Variants in ZNF507 observed in about 807,000 individuals in gnomAD.
The protein encoded by ZNF507 is zinc finger protein 507.
ZNF507 carries 29 observed loss-of-function variants against 80.0 expected under a neutral mutation model. The observed-to-expected ratio is 0.36, with a 90% CI of 0.27 to 0.49. ZNF507 has a LOEUF of 0.49. Among genes scored for constraint, ZNF507 ranks in the 20% least tolerant of loss-of-function variants. ZNF507 has a pLI of 0.98. For missense variants in ZNF507, 1,081 were observed against 1,152.2 expected (o/e 0.94, Z 0.90); for synonymous variants, 462 against 422.5 (o/e 1.09, Z -1.15).
At position 32,354,216 on chromosome 19, in the gene ZNF507, GAA is replaced by G; in HGVS notation, c.1391_1392del (p.Lys464ArgfsTer6). On this transcript the variant is annotated frameshift_variant, in exon 3 of 7. Transcript: ENST00000355898. LOFTEE classifies it high-confidence loss of function. ...GLIIGWSSSEKKDELMNKGLA... is the reference protein window; with the variant it reads ...GLIIGWSSSEXKDELMNKGLA... ...TGATCATAGGCTGGAGCAGTTCAGA[GAA>G]AAAAGACGAGTTAATGAATAAAGGC... 1 of 1,613,762 alleles carries G rather than the reference GAA, an allele frequency of 6.2e-7. No individual in the cohort carries two copies. Among genetic ancestry groups the G allele is most frequent in the South Asian group, 1.1e-5 (1 of 91,070 alleles).
At chr19:32,373,316 C>G (rs1456762306) in intron 5 of ZNF507, among the ~76,000 whole-genome samples, 2 of 152,120 alleles carry the variant, frequency 1.3e-5, no homozygotes, top group Non-Finnish European at 2.9e-5. Flanking sequence ...AATACTATCC[C>G]TTTGGAGGTT....
intron 5 of ZNF507, among the ~76,000 whole-genome samples, chr19:32,368,700 TGAAA>T (rs1448217218): frequency 6.6e-6 from 1 of 152,238 alleles, no homozygotes; most frequent in Non-Finnish European, 1.5e-5. Flanking sequence ...AGAGATGAAC[TGAAA>T]GAGTTTGTTT....
chr19:32,364,878 T>C (rs961365949), intron 5 of ZNF507, among the ~76,000 whole-genome samples: 4 of 152,194 alleles, frequency 2.6e-5, no homozygotes, highest in Non-Finnish European at 5.9e-5. Flanking sequence ...TTTAGTTCTT[T>C]AAGGAATCTC....
intron 2 of ZNF507, among the ~76,000 whole-genome samples, chr19:32,349,183 C>T (rs942964812): frequency 6.6e-6 from 1 of 152,172 alleles, no homozygotes; most frequent in African/African-American, 2.4e-5. Context: ...AGAACCAGGA[C>T]GATGAATATT....
intron 1 of ZNF507, among the ~76,000 whole-genome samples, chr19:32,346,307 G>A (rs759618): frequency 0.45 from 68,921 of 152,000 alleles, 16,582 homozygotes; most frequent in Non-Finnish European, 0.54. Flanking sequence ...GAGACCATCA[G>A]GGAAAGTTCC....
intron 5 of ZNF507, among the ~76,000 whole-genome samples, chr19:32,366,265 A>C: frequency 6.6e-6 from 1 of 152,234 alleles, no homozygotes; most frequent in East Asian, 1.9e-4. Flanking sequence ...TGCATAAATC[A>C]TAAAGGTACA....
intron 5 of ZNF507, among the ~76,000 whole-genome samples, chr19:32,366,410 A>G (rs752393670): frequency 1.2e-4 from 18 of 151,970 alleles, no homozygotes; most frequent in Non-Finnish European, 1.8e-4. Context: ...CTTGACTTCT[A>G]ACATTATCAA....
At chr19:32,357,839 A>T (rs1280341012) in intron 4 of ZNF507, 1 of 152,226 alleles carries the variant, frequency 6.6e-6, no homozygotes, top group Non-Finnish European at 1.5e-5. Context: ...TAATGAAAGG[A>T]TGAAGTAAAT....
intron 2 of ZNF507, among the ~76,000 whole-genome samples, chr19:32,348,615 A>G (rs765051704): frequency 6.6e-6 from 1 of 152,250 alleles, no homozygotes; most frequent in Non-Finnish European, 1.5e-5. Context: ...GTTGTCAAGG[A>G]AAGATTTGAG....
chr19:32,380,660 A>AT, intron 5 of ZNF507: 1 of 1,525,398 alleles, frequency 6.6e-7, no homozygotes. Flanking sequence ...GTAATTAAGT[A>AT]TTTAACAAAA....
chr19:32,362,219 A>C (rs1967338496), intron 5 of ZNF507, among the ~76,000 whole-genome samples: 1 of 152,228 alleles, frequency 6.6e-6, no homozygotes, highest in Non-Finnish European at 1.5e-5. Context: ...GTATATTTAC[A>C]TTCGTGATTT....
rs1040576608 is a variant in ZNF507, at chr19:32,345,758, A to AAGC, written c.-115_-113dup. The AAGC allele has an allele frequency of 1.3e-5, 2 of 154,126 alleles. No individual in the cohort carries two copies. Among genetic ancestry groups the AAGC allele is most frequent in the African/African-American group, 4.8e-5 (2 of 41,454 alleles). The allele number at this position is 154,126 out of a possible 1,614,324, so 9.5% of individuals were successfully genotyped here. A position where few individuals can be genotyped will look rare whatever the true frequency, so the allele number is the denominator to read the frequency against. ...CTGGCTGGCCAAACGAGGCTCGCGG[A>AAGC]AGCAGCAGCCGCCGCCTGACCGCAG... On this transcript the variant is annotated 5_prime_UTR_variant, in exon 1 of 7. Coordinates refer to ENST00000355898, the MANE Select transcript of ZNF507 (RefSeq NM_001136156.2).
At chr19:32,351,174 A>G (rs529743388) in intron 2 of ZNF507, among the ~76,000 whole-genome samples, 26 of 152,278 alleles carry the variant, frequency 1.7e-4, no homozygotes, top group African/African-American at 4.8e-4. Flanking sequence ...TGGCCATGGA[A>G]TGCATGTGAG....
Position 32,353,010 on chromosome 19 carries a change from A to G in ZNF507, c.180A>G (p.Ser60=), listed in dbSNP as rs1967190983. 6.2e-7 allele frequency: 1 copy of G among 1,613,964 alleles called. No homozygotes were observed. Residue 60 remains serine, a synonymous_variant, in exon 3 of 7, where the codon TCA becomes TCG. Transcript: ENST00000355898. The part of the protein sequence containing the change: ...KLSKIVENEK[S]QKCLLIGKKR... ...GCAAGATAGTGGAAAATGAAAAGTC[A>G]CAAAAATGTCTTTTAATTGGGAAGA...
rs777777496 is a variant in ZNF507, at chr19:32,352,821, C to T, written c.-2-8C>T. The T allele has an allele frequency of 3.9e-6, 6 of 1,553,572 alleles. No homozygotes were observed. Among genetic ancestry groups the T allele is most frequent in the African/African-American group, 1.4e-5 (1 of 72,326 alleles). ...TGGTATTTTTCTGTTTTACATTATCCTTTTTAGATATGGAAGAAAGTAGCA... is the reference window on the plus strand; with the variant it reads ...TGGTATTTTTCTGTTTTACATTATCTTTTTTAGATATGGAAGAAAGTAGCA... On this transcript the variant is annotated splice_polypyrimidine_tract_variant and splice_region_variant and intron_variant, in intron 2 of 6. Transcript: ENST00000355898.
At chr19:32,376,629 C>A (rs1397906666) in intron 5 of ZNF507, among the ~76,000 whole-genome samples, 1 of 152,272 alleles carries the variant, frequency 6.6e-6, no homozygotes, top group Admixed American at 6.5e-5. Context: ...CCCACATGAT[C>A]GGTGGGTTTT....
At chr19:32,374,445 ACTTTC>A (rs1289788634) in intron 5 of ZNF507, among the ~76,000 whole-genome samples, 2 of 145,908 alleles carry the variant, frequency 1.4e-5, no homozygotes, top group African/African-American at 2.5e-5. Flanking sequence ...ATTTTCTCAT[ACTTTC>A]CTTTCTATTT....
Position 32,354,672 on chromosome 19 carries a change from C to T in ZNF507, c.1842C>T (p.Asn614=), listed in dbSNP as rs764893103. The change falls in exon 3 of 7, where the codon AAC becomes AAT. Residue 614 remains asparagine, a synonymous_variant. Coordinates refer to ENST00000355898, the MANE Select transcript of ZNF507 (RefSeq NM_001136156.2). ...DDDILKELQD[N]AQCQPNSDTS... ...ACATTTTGAAAGAGTTGCAGGACAA[C>T]GCCCAGTGCCAACCCAACAGCGATA... 4.8e-5 allele frequency: 77 copies of T among 1,614,010 alleles called. No homozygotes were observed. The Middle Eastern group carries it at 1.5e-3, about 31-fold the overall frequency.
intron 5 of ZNF507, among the ~76,000 whole-genome samples, chr19:32,366,430 T>C (rs1241808543): frequency 6.6e-6 from 1 of 152,236 alleles, no homozygotes; most frequent in Non-Finnish European, 1.5e-5. Flanking sequence ...ATTAGTGTTT[T>C]CTGTTTCTGA....
Sources: allele counts gnomAD v4.1 joint callset (sites outside exome capture counted in the v4.1 genomes callset), GRCh38; gene constraint gnomAD v4.1.1; transcripts MANE v1.5; gene names NCBI Gene and HGNC (gene_info 2026-07-23, HGNC 2026-07-21).